The following PTPRD variants were observed in gnomAD, a reference collection of about 807,000 sequenced individuals.
PTPRD encodes protein tyrosine phosphatase receptor type D.
PTPRD carries 34 observed loss-of-function variants against 214.5 expected under a neutral mutation model. That is an observed-to-expected ratio of 0.16 (90% CI 0.12 to 0.21). The LOEUF (loss-of-function observed/expected upper bound fraction) is 0.21. Among genes scored for constraint, PTPRD ranks in the 10% least tolerant of loss-of-function variants. The pLI is 1.00. For missense variants in PTPRD, 2,545 were observed against 2,398.7 expected, an observed-to-expected ratio of 1.06 and a Z score of -1.27; for synonymous variants, 1,128 against 845.7, an observed-to-expected ratio of 1.33 and a Z score of -5.79.
chr9:10,217,765 G>C (rs185764081), intron 3 of PTPRD, among the ~76,000 whole-genome samples: 28 of 152,014 alleles, frequency 1.8e-4, no homozygotes, highest in Admixed American at 1.7e-3. Flanking sequence ...CCAGGCCATT[G>C]GGAGTTAACC....
chr9:9,385,426 G>C (rs2063576859), intron 9 of PTPRD, among the ~76,000 whole-genome samples: 1 of 152,158 alleles, frequency 6.6e-6, no homozygotes, highest in Non-Finnish European at 1.5e-5. Flanking sequence ...TCTTTCACAA[G>C]GATCTCAAAA....
At chr9:10,253,425 T>C (rs2092967027) in intron 3 of PTPRD, among the ~76,000 whole-genome samples, 1 of 152,210 alleles carries the variant, frequency 6.6e-6, no homozygotes, top group East Asian at 1.9e-4. Context: ...AGTAGCTAAA[T>C]TGCCCAGAAA....
At chr9:10,203,724 A>G (rs1343373379) in intron 3 of PTPRD, among the ~76,000 whole-genome samples, 1 of 152,132 alleles carries the variant, frequency 6.6e-6, no homozygotes, top group African/African-American at 2.4e-5. Context: ...CATACCTAAA[A>G]TGGAAAAAAA....
rs115647122 is a variant in PTPRD at position 9,084,787 on chromosome 9, C to G, written c.-142-66052G>C. 3.4e-3 allele frequency among the ~76,000 whole-genome samples: 510 copies of G among 152,218 alleles called. 1 individual carries two copies. The highest frequency in any genetic ancestry group is 0.011 in the African/African-American group (472 of 41,538). On this transcript the variant is annotated intron_variant, in intron 10 of 45. Coordinates refer to ENST00000381196, the MANE Select transcript of PTPRD (RefSeq NM_002839.4). Reference sequence around the variant, plus strand: ...AGGAAGAGTAGATTGCTTCATAGTTCACGGACTGTTGTTTTGATCTCTCAT... The same window carrying G: ...AGGAAGAGTAGATTGCTTCATAGTTGACGGACTGTTGTTTTGATCTCTCAT...
chr9:9,091,368 T>C, intron 10 of PTPRD: 1 of 697,294 alleles, frequency 1.4e-6, no homozygotes, highest in African/African-American at 1.8e-5. Context: ...TACATTTCTG[T>C]AAATCTCCAA....
At chr9:9,189,258 G>C (rs1438325813) in intron 9 of PTPRD, among the ~76,000 whole-genome samples, 1 of 152,028 alleles carries the variant, frequency 6.6e-6, no homozygotes, top group Non-Finnish European at 1.5e-5. Flanking sequence ...ATAGTTGAAA[G>C]AGATCTTGAA....
chr9:9,731,883 G>A (rs1041941875), intron 7 of PTPRD, among the ~76,000 whole-genome samples: 2 of 152,170 alleles, frequency 1.3e-5, no homozygotes, highest in Non-Finnish European at 2.9e-5. Flanking sequence ...CTGCAGTAAA[G>A]AGAACAAGAT....
chr9:10,374,064 G>A (rs2097681992), intron 2 of PTPRD, among the ~76,000 whole-genome samples: 1 of 152,074 alleles, frequency 6.6e-6, no homozygotes, highest in Admixed American at 6.6e-5. Flanking sequence ...CTCTTTAGCT[G>A]TGAGATAGAT....
At chr9:9,652,850 G>A (rs982274991) in intron 7 of PTPRD, among the ~76,000 whole-genome samples, 2 of 151,886 alleles carry the variant, frequency 1.3e-5, no homozygotes, top group Non-Finnish European at 2.9e-5. Context: ...CTGACCTCAG[G>A]TGATCCACCT....
chr9:9,781,946 C>A (rs963806276), intron 5 of PTPRD, among the ~76,000 whole-genome samples: 1 of 152,116 alleles, frequency 6.6e-6, no homozygotes, highest in Non-Finnish European at 1.5e-5. Flanking sequence ...GCGCCCACTA[C>A]CACGCCCGGC....
chr9:10,221,176 G>C (rs1005866809), intron 3 of PTPRD, among the ~76,000 whole-genome samples: 1 of 151,994 alleles, frequency 6.6e-6, no homozygotes, highest in Non-Finnish European at 1.5e-5. Context: ...AAACATGGAA[G>C]GTTGAAAAGT....
intron 2 of PTPRD, among the ~76,000 whole-genome samples, chr9:10,456,509 A>G (rs1035046163): frequency 1.3e-5 from 2 of 151,910 alleles, no homozygotes; most frequent in Non-Finnish European, 2.9e-5. Flanking sequence ...AGTTTAAGAA[A>G]ATCAATTTTT....
At chr9:9,560,013 T>A (rs960805066) in intron 8 of PTPRD, among the ~76,000 whole-genome samples, 5 of 152,314 alleles carry the variant, frequency 3.3e-5, no homozygotes, top group African/African-American at 1.2e-4. Flanking sequence ...GGTTGTCCGG[T>A]GCCCCCTCAA....
chr9:8,441,346 G>C (rs1053939439), intron 34 of PTPRD, among the ~76,000 whole-genome samples: 2 of 152,092 alleles, frequency 1.3e-5, no homozygotes, highest in Admixed American at 6.6e-5. Flanking sequence ...AAATTATTCA[G>C]CTCCAGGACT....
At chr9:9,863,104 G>C (rs1316940687) in intron 5 of PTPRD, among the ~76,000 whole-genome samples, 1 of 152,056 alleles carries the variant, frequency 6.6e-6, no homozygotes, top group Non-Finnish European at 1.5e-5. Flanking sequence ...TTTGAGTCTA[G>C]AAAATGCTGA....
chr9:9,152,926 T>C (rs11792892), intron 10 of PTPRD, among the ~76,000 whole-genome samples: 1 of 151,494 alleles, frequency 6.6e-6, no homozygotes, highest in African/African-American at 2.4e-5. Context: ...TATCTTTCTT[T>C]GGCCCAGTAC....
At chr9:10,393,866 G>A (rs35090492) in intron 2 of PTPRD, among the ~76,000 whole-genome samples, 77,129 of 147,732 alleles carry the variant, frequency 0.52, 23,973 homozygotes, top group Non-Finnish European at 0.72. Flanking sequence ...GAATCATCCT[G>A]ATCCTTATGT....
At chr9:10,026,756 C>T (rs78494766) in intron 4 of PTPRD, among the ~76,000 whole-genome samples, 3,586 of 151,928 alleles carry the variant, frequency 0.024, 139 homozygotes, top group African/African-American at 0.08. Flanking sequence ...ACAACCATCA[C>T]GGTGGGGACT....
chr9:9,107,202 G>C (rs1346074363), intron 10 of PTPRD, among the ~76,000 whole-genome samples: 1 of 152,030 alleles, frequency 6.6e-6, no homozygotes, highest in African/African-American at 2.4e-5. Flanking sequence ...TTAGAAGGAG[G>C]CCAAAAGCCA....
Sources: gnomAD v4.1 joint callset for allele counts (sites outside exome capture counted in the v4.1 genomes callset) on GRCh38, gnomAD v4.1.1 for gene constraint, MANE v1.5 for transcripts, NCBI Gene and HGNC (gene_info 2026-07-23, HGNC 2026-07-21) for gene names.